Variants in ARPP21 observed in about 807,000 individuals in gnomAD.
ARPP21 encodes cAMP-regulated phosphoprotein 21.
Under a neutral mutation model 113.2 loss-of-function variants are expected in ARPP21, and 69 were observed. That is an observed-to-expected ratio of 0.61 (90% CI 0.50 to 0.74). The LOEUF (loss-of-function observed/expected upper bound fraction) is 0.74, where lower values mean the gene tolerates loss of function less well. Among genes scored for constraint, ARPP21 ranks in the 30% least tolerant of loss-of-function variants. ARPP21 has a pLI of 0.00. For missense variants in ARPP21, 1,070 were observed against 1,037.4 expected (o/e 1.03, Z -0.43); for synonymous variants, 368 against 375.5 (o/e 0.98, Z 0.23).
At chr3:35,751,565 TACTC>T (rs2095406604) in intron 19 of ARPP21, among the ~76,000 whole-genome samples, 1 of 152,168 alleles carries the variant, frequency 6.6e-6, no homozygotes, top group African/African-American at 2.4e-5. Context: ...GGAATGTCTT[TACTC>T]ACTCTTTTCA....
intron 10 of ARPP21, among the ~76,000 whole-genome samples, chr3:35,708,158 C>A (rs1452538171): frequency 2.6e-5 from 4 of 151,670 alleles, no homozygotes; most frequent in African/African-American, 9.7e-5. Flanking sequence ...GAAACATGTG[C>A]CTGTGTCATG....
intron 1 of ARPP21, among the ~76,000 whole-genome samples, chr3:35,644,138 G>A (rs555593502): frequency 1.3e-5 from 2 of 151,798 alleles, no homozygotes; most frequent in Non-Finnish European, 3.0e-5. Flanking sequence ...ACTGTTGAAG[G>A]AAAAAGAAAA....
At chr3:35,766,593 C>T (rs1364349844) in intron 19 of ARPP21, among the ~76,000 whole-genome samples, 2 of 152,130 alleles carry the variant, frequency 1.3e-5, no homozygotes, top group African/African-American at 4.8e-5. Flanking sequence ...ACTGGAGTGT[C>T]CTACCCTGCT....
chr3:35,778,338 C>G (rs937733643), intron 19 of ARPP21, among the ~76,000 whole-genome samples: 3 of 152,092 alleles, frequency 2.0e-5, no homozygotes, highest in Non-Finnish European at 2.9e-5. Flanking sequence ...CTGGTTTCCA[C>G]CTGGGTTTTG....
intron 1 of ARPP21, among the ~76,000 whole-genome samples, chr3:35,675,732 T>A (rs1209293132): frequency 6.6e-6 from 1 of 151,864 alleles, no homozygotes; most frequent in African/African-American, 2.4e-5. Flanking sequence ...CTAACCTTTT[T>A]ATTCTTGCCG....
At chr3:35,764,847 G>A (rs553693046) in intron 19 of ARPP21, among the ~76,000 whole-genome samples, 12 of 152,234 alleles carry the variant, frequency 7.9e-5, no homozygotes, top group South Asian at 6.2e-4. Context: ...AAATACATAT[G>A]CATAGAGGAA....
At chr3:35,727,000 G>C (rs1307397086) in intron 14 of ARPP21, among the ~76,000 whole-genome samples, 2 of 152,172 alleles carry the variant, frequency 1.3e-5, no homozygotes, top group African/African-American at 2.4e-5. Flanking sequence ...TGACCACAGA[G>C]TCATAATTTC....
intron 19 of ARPP21, among the ~76,000 whole-genome samples, chr3:35,774,374 A>G (rs558420202): frequency 7.2e-5 from 11 of 152,202 alleles, no homozygotes; most frequent in Admixed American, 4.6e-4. Flanking sequence ...ATTTACAAAG[A>G]CCTCTCCAAG....
At chr3:35,750,463 T>C (rs924733906) in intron 19 of ARPP21, among the ~76,000 whole-genome samples, 1 of 152,152 alleles carries the variant, frequency 6.6e-6, no homozygotes, top group African/African-American at 2.4e-5. Context: ...ATAAAATTTT[T>C]GAGGTGGTTT....
At chr3:35,638,883 G>A (rs934783560), upstream of ARPP21, 1 of 152,466 alleles carries the variant, frequency 6.6e-6, no homozygotes, top group Admixed American at 6.5e-5. Context: ...ATCTCCAAGA[G>A]CGCTGAGGCT....
chr3:35,694,575 G>T lies in ARPP21; in HGVS notation c.686+3570G>T, dbSNP rs373388882. ...AGTTTGGGGCTTACAGGGAAGCAAT[G>T]GTTAGCATGACTGGGACCTAAACCA... On this transcript the variant is annotated intron_variant, in intron 9 of 20. Transcript: ENST00000684406. 3.2e-4 allele frequency among the ~76,000 whole-genome samples: 48 copies of T among 151,426 alleles called. No individual in the cohort carries two copies. In the South Asian group the frequency reaches 9.4e-3, roughly 30 times the overall value.
At chr3:35,706,601 C>G (rs1403729203) in intron 9 of ARPP21, among the ~76,000 whole-genome samples, 1 of 152,194 alleles carries the variant, frequency 6.6e-6, no homozygotes, top group Non-Finnish European at 1.5e-5. Context: ...ATGTGTTACT[C>G]TCAAGTTCTA....
At chr3:35,677,248 G>T in intron 1 of ARPP21, among the ~76,000 whole-genome samples, 1 of 151,546 alleles carries the variant, frequency 6.6e-6, no homozygotes, top group East Asian at 1.9e-4. Flanking sequence ...TTCCCAATTG[G>T]TAGCACAGTG....
chr3:35,683,463 T>C (rs531155318), intron 4 of ARPP21, among the ~76,000 whole-genome samples: 1 of 151,834 alleles, frequency 6.6e-6, no homozygotes, highest in East Asian at 2.0e-4. Flanking sequence ...TCTTCCTATG[T>C]TCCCAATGTG....
intron 14 of ARPP21, among the ~76,000 whole-genome samples, chr3:35,726,185 A>C (rs922360545): frequency 1.3e-5 from 2 of 152,250 alleles, no homozygotes; most frequent in Admixed American, 1.3e-4. Flanking sequence ...CCTCTGAAGA[A>C]AGGGAATCAG....
intron 14 of ARPP21, among the ~76,000 whole-genome samples, chr3:35,728,554 A>G (rs1344578436): frequency 6.6e-6 from 1 of 150,890 alleles, no homozygotes; most frequent in Non-Finnish European, 1.5e-5. Context: ...CTTAATATCT[A>G]AAGTTTCAAC....
rs565554996 is a variant in ARPP21 at position 35,681,974 on chromosome 3, A to T, written c.129+94A>T. The stretch of plus-strand genomic sequence containing the variant: ...TACTTTAGAGATTTATTTTTTAAAG[A>T]GTTTCACTGGTTATATCATTAGGAA... On this transcript the variant is annotated intron_variant, in intron 3 of 20. Transcript: ENST00000684406. 895 of 1,361,400 alleles carry T rather than the reference A, an allele frequency of 6.6e-4. 1 individual carries two copies. The highest frequency in any genetic ancestry group is 8.1e-4 in the Non-Finnish European group (820 of 1,015,424). 84.3% of individuals were successfully genotyped at this position (1,361,400 alleles called of 1,614,324 possible). A position where few individuals can be genotyped will look rare whatever the true frequency, so the allele number is the denominator to read the frequency against.
chr3:35,793,451 C>G (rs530975794), intron 20 of ARPP21, among the ~76,000 whole-genome samples: 5 of 152,282 alleles, frequency 3.3e-5, no homozygotes, highest in African/African-American at 1.2e-4. Flanking sequence ...GTGTGCCAGG[C>G]ACTGTACACC....
chr3:35,661,482 C>A (rs1707788633), intron 1 of ARPP21, among the ~76,000 whole-genome samples: 1 of 152,172 alleles, frequency 6.6e-6, no homozygotes, highest in Non-Finnish European at 1.5e-5. Flanking sequence ...GTGTTAGTTG[C>A]TGCTATAATT....
Sources: allele counts gnomAD v4.1 joint callset (sites outside exome capture counted in the v4.1 genomes callset), GRCh38; gene constraint gnomAD v4.1.1; transcripts MANE v1.5; gene names NCBI Gene and HGNC (gene_info 2026-07-23, HGNC 2026-07-21).